MRGPRX1: variants seen among roughly 807,000 people sequenced by gnomAD.
MRGPRX1 encodes the protein mas-related G protein-coupled receptor member X1.
For synonymous variants in MRGPRX1, 208 were observed against 170.4 expected (o/e 1.22, Z -1.72); for missense variants, 411 against 393.8 (o/e 1.04, Z -0.37).
rs554119639 is a variant in MRGPRX1 at position 18,937,762 on chromosome 11, T to A, written c.-26+1518A>T. Among the ~76,000 whole-genome samples, 227 of 151,646 alleles carry A rather than the reference T, an allele frequency of 1.5e-3. 5 individuals are homozygous for A. The highest frequency in any genetic ancestry group is 5.2e-3 in the African/African-American group (217 of 41,432). On this transcript the variant is annotated intron_variant, in intron 1 of 1. Transcript: ENST00000526914. ...AAGATATTTCTACTTTGTGTCTTTA[T>A]GAGAGGGGTCAAACTTGTATTCTAA...
intron 1 of MRGPRX1, among the ~76,000 whole-genome samples, chr11:18,935,818 A>G (rs1280479790): frequency 6.6e-6 from 1 of 151,486 alleles, no homozygotes; most frequent in Non-Finnish European, 1.5e-5. Context: ...TATACACAAT[A>G]TAAACCTATT....
intron 1 of MRGPRX1, among the ~76,000 whole-genome samples, chr11:18,938,083 G>T (rs1246552876): frequency 6.6e-6 from 1 of 151,472 alleles, no homozygotes; most frequent in Non-Finnish European, 1.5e-5. Flanking sequence ...CACATCAGTG[G>T]GATTCTTTTT....
chr11:18,938,008 A>G (rs1409191981), intron 1 of MRGPRX1, among the ~76,000 whole-genome samples: 2 of 151,442 alleles, frequency 1.3e-5, no homozygotes, highest in Non-Finnish European at 3.0e-5. Context: ...CTCATTTGCT[A>G]TGATGATTTG....
At chr11:18,938,233 C>A (rs1484908531) in intron 1 of MRGPRX1, among the ~76,000 whole-genome samples, 1 of 151,474 alleles carries the variant, frequency 6.6e-6, no homozygotes, top group African/African-American at 2.4e-5. Context: ...CAAAGAAATA[C>A]CTGAGACTGG....
chr11:18,934,532 A>G lies in MRGPRX1; in HGVS notation c.253T>C (p.Leu85=), dbSNP rs148196359. The G allele has an allele frequency of 1.2e-5, 20 of 1,610,342 alleles. 1 individual carries two copies. The African/African-American group carries it at 2.5e-4, about 20-fold the overall frequency. ...FLSGRLIYSL[L]SFISIPHTIS... Reference sequence around the variant, plus strand: ...GTATGGGGGATACTGATGAAGCTTAACAGGGAATATATAAGGCGGCCGCTG... The same window carrying G: ...GTATGGGGGATACTGATGAAGCTTAGCAGGGAATATATAAGGCGGCCGCTG... Residue 85 remains leucine, a synonymous_variant, in exon 2 of 2, where the codon TTA becomes CTA. Transcript: ENST00000526914.
chr11:18,938,441 G>C (rs1460847261), intron 1 of MRGPRX1, among the ~76,000 whole-genome samples: 1 of 151,516 alleles, frequency 6.6e-6, no homozygotes, highest in Non-Finnish European at 1.5e-5. Context: ...TAAACAACTA[G>C]ATTGCATGAG....
rs188909974 is a variant in MRGPRX1, at chr11:18,936,327, T to C, written c.-25-1518A>G. Among the ~76,000 whole-genome samples, 211 of 150,586 alleles carry C rather than the reference T, an allele frequency of 1.4e-3. 1 individual carries two copies. The highest frequency in any genetic ancestry group is 5.0e-3 in the African/African-American group (204 of 41,072). On this transcript the variant is annotated intron_variant, in intron 1 of 1. Coordinates refer to ENST00000526914, the MANE Select transcript of MRGPRX1 (RefSeq NM_001393578.1). ...AAAAAAAAAACTAACCTAAACCAAC[T>C]TCAGATAGAGAAAGAGAAGCAGGTC... is the stretch of plus-strand genomic sequence containing the variant.
At chr11:18,935,475 T>G (rs1417408710) in intron 1 of MRGPRX1, among the ~76,000 whole-genome samples, 1 of 151,544 alleles carries the variant, frequency 6.6e-6, no homozygotes, top group African/African-American at 2.4e-5. Flanking sequence ...ACAATGTAAG[T>G]TATTAGAACA....
In MRGPRX1 at chr11:18,937,122, G is replaced by A. The variant is rs547240031; in HGVS notation, c.-26+2158C>T. On this transcript the variant is annotated intron_variant, in intron 1 of 1. Coordinates refer to ENST00000526914, the MANE Select transcript of MRGPRX1 (RefSeq NM_001393578.1). ...GCTGGGTGCCATTTTATGACCAGGT[G>A]CTGTTCAGTGAAAGATGCACAAAAG... Among the ~76,000 whole-genome samples the A allele has an allele frequency of 3.7e-4, 56 of 151,578 alleles. 1 individual carries two copies. The highest frequency in any genetic ancestry group is 3.4e-3 in the Middle Eastern group (1 of 292).
Position 18,933,619 on chromosome 11 carries a change from A to G in MRGPRX1, c.*197T>C, listed in dbSNP as rs568527889. 3.3e-5 allele frequency among the ~76,000 whole-genome samples: 5 copies of G among 151,688 alleles called. No homozygotes were observed. Among genetic ancestry groups the G allele is most frequent in the African/African-American group, 1.2e-4 (5 of 41,450 alleles). ...GTGTTGGTAATATCAAGGAGAATCT[A>G]AACATTGTACTGTCAGACTAATGCT... On this transcript the variant is annotated 3_prime_UTR_variant, in exon 2 of 2. Transcript: ENST00000526914.
At chr11:18,936,052 C>A (rs766976555) in intron 1 of MRGPRX1, among the ~76,000 whole-genome samples, 14 of 151,280 alleles carry the variant, frequency 9.3e-5, no homozygotes, top group Non-Finnish European at 1.9e-4. Context: ...ATCTGAAGAG[C>A]CTAGGAGTTA....
chr11:18,936,169 C>T (rs1378663829), intron 1 of MRGPRX1, among the ~76,000 whole-genome samples: 1 of 151,260 alleles, frequency 6.6e-6, no homozygotes, highest in African/African-American at 2.4e-5. Context: ...GCAGGGCTGA[C>T]TCATGATCCA....
At position 18,934,559 on chromosome 11, in the gene MRGPRX1, G is replaced by T. The variant is rs1435502384; in HGVS notation, c.226C>A (p.Leu76Ile). Residue 76 changes from leucine (L) to isoleucine (I), a missense_variant, in exon 2 of 2, where the codon CTC (leucine) becomes ATC (isoleucine). By Grantham distance (5) the Leu-to-Ile change is conservative (BLOSUM62 2). Transcript: ENST00000526914. The part of the protein sequence containing the change: ...LNLAAADFLF[L>I]SGRLIYSLLS... ...AGGGAATATATAAGGCGGCCGCTGA[G>T]GAAGAGGAAGTCTGCTGCGGCCAAG... 3 of 1,609,732 alleles carry T rather than the reference G, an allele frequency of 1.9e-6. No individual in the cohort carries two copies. The highest frequency in any genetic ancestry group is 2.5e-6 in the Non-Finnish European group (3 of 1,177,782).
chr11:18,938,286 C>A (rs557635263), intron 1 of MRGPRX1, among the ~76,000 whole-genome samples: 1 of 151,478 alleles, frequency 6.6e-6, no homozygotes, highest in Non-Finnish European at 1.5e-5. Flanking sequence ...TATGGCTCTG[C>A]GGGCTATGCA....
Position 18,934,631 on chromosome 11 carries a change from G to A in MRGPRX1, c.154C>T (p.Leu52=), listed in dbSNP as rs1234785024. The A allele has an allele frequency of 6.2e-7, 1 of 1,610,640 alleles. No homozygotes were observed. The highest frequency in any genetic ancestry group is 8.5e-7 in the Non-Finnish European group (1 of 1,178,128). The change falls in exon 2 of 2, where the codon CTG becomes TTG. Residue 52 remains leucine, a synonymous_variant. Transcript: ENST00000526914. ...LTGNAVVLWL[L]GCRMRRNAFS... is the part of the protein sequence containing the mutation. ...GCGTTCCTGCGCATGCGGCAGCCCA[G>A]GAGCCAGAGCACAACTGCGTTTCCT...
intron 1 of MRGPRX1, among the ~76,000 whole-genome samples, chr11:18,937,299 C>T (rs1323950723): frequency 6.6e-6 from 1 of 151,228 alleles, no homozygotes; most frequent in Non-Finnish European, 1.5e-5. Flanking sequence ...TCGAGAGTAG[C>T]AGTTTTTGGA....
chr11:18,939,366 A>G lies in MRGPRX1; in HGVS notation c.-112T>C, dbSNP rs1308927035. 3 of 151,834 alleles carry G rather than the reference A, an allele frequency of 2.0e-5. 1 individual carries two copies. The highest frequency in any genetic ancestry group is 2.1e-4 in the South Asian group (1 of 4,784). 9.4% of individuals were successfully genotyped at this position (151,834 alleles called of 1,614,324 possible). A position where few individuals can be genotyped will look rare whatever the true frequency, so the allele number is the denominator to read the frequency against. ...TTTCTGGGATTCAGTGACTTCAGAG[A>G]ACCCTTCTGTGTTGCTTAATTCAGG... On this transcript the variant is annotated 5_prime_UTR_variant, in exon 1 of 2. Transcript: ENST00000526914.
rs1423771086 is a variant in MRGPRX1 at position 18,933,677 on chromosome 11, G to C, written c.*139C>G. ...GGTGAAAACCGCAACTGTCAGGTTA[G>C]ATAAACATCTATTTGAAGACCTTGA... is the stretch of plus-strand genomic sequence containing the variant. On this transcript the variant is annotated 3_prime_UTR_variant, in exon 2 of 2. Transcript: ENST00000526914. 7.1e-7 allele frequency: 1 copy of C among 1,412,816 alleles called. No homozygotes were observed. Among genetic ancestry groups the C allele is most frequent in the Admixed American group, 2.4e-5 (1 of 42,418 alleles). 87.5% of individuals were successfully genotyped at this position (1,412,816 alleles called of 1,614,324 possible). A position where few individuals can be genotyped will look rare whatever the true frequency, so the allele number is the denominator to read the frequency against.
At chr11:18,934,871 G>A in intron 1 of MRGPRX1, 62 bp from the exon 2 acceptor site, 1 of 1,457,590 alleles carries the variant, frequency 6.9e-7, no homozygotes, top group Non-Finnish European at 9.2e-7. Context: ...CCACCACCCT[G>A]CCATGTGGGA....
Sources: allele counts gnomAD v4.1 joint callset (sites outside exome capture counted in the v4.1 genomes callset), GRCh38; gene constraint gnomAD v4.1.1; transcripts MANE v1.5; gene names NCBI Gene and HGNC (gene_info 2026-07-23, HGNC 2026-07-21).